Variants in NUCB2 observed in about 807,000 individuals in gnomAD.
NUCB2 encodes nucleobindin 2.
In NUCB2, 48 loss-of-function variants were observed where a neutral mutation model predicts 57.9. The ratio of observed to expected loss-of-function variants is 0.83; its 90% CI spans 0.66 to 1.05. The LOEUF (loss-of-function observed/expected upper bound fraction) is 1.05. Among genes scored for constraint, NUCB2 ranks in the 50% least tolerant of loss-of-function variants. NUCB2 has a pLI of 0.00. For missense variants in NUCB2, 442 were observed against 476.2 expected (o/e 0.93, Z 0.67); for synonymous variants, 139 against 152.1 (o/e 0.91, Z 0.64).
intron 2 of NUCB2, among the ~76,000 whole-genome samples, chr11:17,288,581 T>G (rs1944237229): frequency 9.0e-6 from 1 of 111,250 alleles, no homozygotes; most frequent in Non-Finnish European, 1.8e-5. Context: ...GACAGTCTCA[T>G]TCTGTTGCCC....
intron 2 of NUCB2, among the ~76,000 whole-genome samples, chr11:17,289,234 A>T (rs1436616731): frequency 6.6e-6 from 1 of 152,174 alleles, no homozygotes; most frequent in East Asian, 1.9e-4. Context: ...CTGGCATTAC[A>T]GGCGTGAGCC....
In NUCB2 at chr11:17,327,741, A is replaced by AT. The variant is rs1186768411; in HGVS notation, c.1003-2379dup. On this transcript the variant is annotated intron_variant, in intron 11 of 13. Coordinates refer to ENST00000529010, the MANE Select transcript of NUCB2 (RefSeq NM_005013.4). ...ATGCATTCTTCAGCGTGTCCGTTCC[A>AT]TTTTTTTAACTCTAGAATTTCTGCT... 3.3e-5 allele frequency among the ~76,000 whole-genome samples: 5 copies of AT among 152,018 alleles called. No individual in the cohort carries two copies. In the East Asian group the frequency reaches 9.7e-4, roughly 29 times the overall value.
chr11:17,313,350 T>C (rs1023463631), intron 10 of NUCB2, among the ~76,000 whole-genome samples: 16 of 151,844 alleles, frequency 1.1e-4, no homozygotes, highest in African/African-American at 2.4e-4. Context: ...GCAAACATGG[T>C]GAAACCCTGT....
chr11:17,296,145 T>C lies in NUCB2; in HGVS notation c.186T>C (p.Ile62=), dbSNP rs777237012. 1.9e-6 allele frequency: 3 copies of C among 1,612,208 alleles called. No individual in the cohort carries two copies. Among genetic ancestry groups the C allele is most frequent in the Non-Finnish European group, 2.5e-6 (3 of 1,178,952 alleles). Residue 62 remains isoleucine, a synonymous_variant, in exon 4 of 14, where the codon ATT becomes ATC. Coordinates refer to ENST00000529010, the MANE Select transcript of NUCB2 (RefSeq NM_005013.4). ...LYYDEYLKQV[I]DVLETDKHFR... is the part of the protein sequence containing the mutation. Reference sequence around the variant, plus strand: ...ATGATGAATATCTCAAGCAAGTGATTGATGTGCTGGAAACAGATAAACACT... The same window carrying C: ...ATGATGAATATCTCAAGCAAGTGATCGATGTGCTGGAAACAGATAAACACT...
At chr11:17,285,950 C>T (rs926048516) in intron 2 of NUCB2, among the ~76,000 whole-genome samples, 3 of 151,836 alleles carry the variant, frequency 2.0e-5, no homozygotes, top group African/African-American at 7.3e-5. Flanking sequence ...CACACACACA[C>T]ACACACACAC....
In NUCB2 at chr11:17,282,901, C is replaced by T. The variant is rs771462771; in HGVS notation, c.-43C>T. ...TCTTACCTCTCTGGATCTCAGTTGT[C>T]TCATCTGTAAAAAGGAGATAAAAAT... is the stretch of plus-strand genomic sequence containing the variant. On this transcript the variant is annotated 5_prime_UTR_variant, in exon 2 of 14. Transcript: ENST00000529010. The T allele has an allele frequency of 1.5e-4, 23 of 151,970 alleles. No homozygotes were observed. The highest frequency in any genetic ancestry group is 2.6e-4 in the Non-Finnish European group (18 of 68,022). The allele number at this position is 151,970 out of a possible 1,614,324, so 9.4% of individuals were successfully genotyped here.
rs1945674106 is a variant in NUCB2 at position 17,295,439 on chromosome 11, C to G, written c.116C>G (p.Pro39Arg). 6.2e-7 allele frequency: 1 copy of G among 1,612,082 alleles called. No homozygotes were observed. Among genetic ancestry groups the G allele is most frequent in the South Asian group, 1.1e-5 (1 of 90,736 alleles). ...AAGACAAAAGTACAAAATATTCACC[C>G]TGTGGAAAGTGCGAAGATAGAACCA... is the stretch of plus-strand genomic sequence containing the variant. Reference protein sequence around the residue: ...IDKTKVQNIHPVESAKIEPPD... With the variant: ...IDKTKVQNIHRVESAKIEPPD... Residue 39 changes from proline to arginine, a missense_variant, in exon 3 of 14, where the codon CCT becomes CGT. Physicochemically the swap from Pro to Arg is moderately radical, Grantham distance 103. Coordinates refer to ENST00000529010, the MANE Select transcript of NUCB2 (RefSeq NM_005013.4).
intron 2 of NUCB2, among the ~76,000 whole-genome samples, chr11:17,341,684 T>C (rs1433143255): frequency 6.6e-6 from 1 of 152,190 alleles, no homozygotes; most frequent in Non-Finnish European, 1.5e-5. Context: ...TCATGGTGGA[T>C]AAGCTTTTTG....
chr11:17,288,950 C>CACACACATAT (rs1944414979), intron 2 of NUCB2, among the ~76,000 whole-genome samples: 1 of 33,162 alleles, frequency 3.0e-5, no homozygotes, highest in Non-Finnish European at 4.8e-5. Context: ...CACACACACA[C>CACACACATAT]ATATATATAT....
At chr11:17,283,199 G>A (rs1415842992) in intron 2 of NUCB2, among the ~76,000 whole-genome samples, 1 of 152,138 alleles carries the variant, frequency 6.6e-6, no homozygotes, top group Non-Finnish European at 1.5e-5. Flanking sequence ...ACTGGTTCTT[G>A]TATGTCCAAG....
At chr11:17,325,093 G>A (rs1193631167) in intron 11 of NUCB2, among the ~76,000 whole-genome samples, 2 of 152,156 alleles carry the variant, frequency 1.3e-5, no homozygotes, top group Non-Finnish European at 2.9e-5. Flanking sequence ...TTGGGCCACC[G>A]TGCCTGGCCT....
At chr11:17,336,685 C>T (rs755061852), downstream of NUCB2, among the ~76,000 whole-genome samples, 2 of 120,686 alleles carry the variant, frequency 1.7e-5, no homozygotes, top group African/African-American at 3.1e-5. Context: ...ACCCGGGAGG[C>T]GGAGCTTGCA....
rs117670014 is a variant in NUCB2 at position 17,330,877 on chromosome 11, T to C, written c.1174-25T>C. The C allele has an allele frequency of 7.5e-4, 1,040 of 1,378,894 alleles. 19 individuals are homozygous for C. The East Asian group carries it at 0.02, about 26-fold the overall frequency. The allele number at this position is 1,378,894 out of a possible 1,614,324, so 85.4% of individuals were successfully genotyped here. On this transcript the variant is annotated intron_variant, in intron 12 of 13. Coordinates refer to ENST00000529010, the MANE Select transcript of NUCB2 (RefSeq NM_005013.4). This position sits in a 1 kb window ranked among gnomAD's most constrained non-coding sequence, Gnocchi z 4.3. ...TATGATAGAAAATCAAGTTATACTT[T>C]TAACTTTCATTTTCCATTCACCAGG...
At chr11:17,340,173 A>G (rs1952136087) in intron 2 of NUCB2, among the ~76,000 whole-genome samples, 1 of 152,088 alleles carries the variant, frequency 6.6e-6, no homozygotes, top group South Asian at 2.1e-4. Flanking sequence ...GTCTGTTCAT[A>G]TCCTTTGCCC....
chr11:17,345,158 G>A (rs1952612807), intron 2 of NUCB2, among the ~76,000 whole-genome samples: 1 of 151,538 alleles, frequency 6.6e-6, no homozygotes, highest in Non-Finnish European at 1.5e-5. Flanking sequence ...AGACCATTCA[G>A]TATCTTCTGA....
At chr11:17,337,845 A>G (rs1951938727) in intron 2 of NUCB2, among the ~76,000 whole-genome samples, 1 of 151,954 alleles carries the variant, frequency 6.6e-6, no homozygotes, top group African/African-American at 2.4e-5. Flanking sequence ...ATGTTGGCTA[A>G]TCTGGTCTCA....
rs892041868 is a variant in NUCB2 at position 17,280,128 on chromosome 11, T to C, written c.-155-2661T>C. On this transcript the variant is annotated intron_variant, in intron 1 of 13. Coordinates refer to ENST00000529010, the MANE Select transcript of NUCB2 (RefSeq NM_005013.4). ...TTTTTTTGGCAGTGTATTTTAATTATCTGAAGTACAGTATATGTAAATAAT... is the reference window on the plus strand; with the variant it reads ...TTTTTTTGGCAGTGTATTTTAATTACCTGAAGTACAGTATATGTAAATAAT... Among the ~76,000 whole-genome samples, 14 of 152,274 alleles carry C rather than the reference T, an allele frequency of 9.2e-5. 1 individual carries two copies. Among genetic ancestry groups the C allele is most frequent in the Admixed American group, 3.3e-4 (5 of 15,290 alleles).
intron 1 of NUCB2, chr11:17,278,567 A>G (rs1301337692): frequency 1.3e-5 from 2 of 152,104 alleles, no homozygotes; most frequent in African/African-American, 4.8e-5. Context: ...CGTATTTTGT[A>G]TATATTCTTT....
chr11:17,324,545 T>G (rs1290976619), intron 11 of NUCB2, among the ~76,000 whole-genome samples: 1 of 152,082 alleles, frequency 6.6e-6, no homozygotes, highest in Non-Finnish European at 1.5e-5. Context: ...GCAGTTCTTG[T>G]GCCTCAGCCT....
Sources: allele counts gnomAD v4.1 joint callset (sites outside exome capture counted in the v4.1 genomes callset), GRCh38; gene constraint gnomAD v4.1.1; non-coding constraint Gnocchi (gnomAD v3.1); transcripts MANE v1.5; gene names NCBI Gene and HGNC (gene_info 2026-07-23, HGNC 2026-07-21).